Variants in PLA2G4A observed in about 807,000 individuals in gnomAD.
The protein encoded by PLA2G4A is cytosolic phospholipase A2.
PLA2G4A carries 40 observed loss-of-function variants against 81.9 expected under a neutral mutation model. The ratio of observed to expected loss-of-function variants is 0.49; its 90% confidence interval spans 0.38 to 0.64. The LOEUF (loss-of-function observed/expected upper bound fraction) is 0.64, where lower values mean the gene tolerates loss of function less well. Among genes scored for constraint, PLA2G4A ranks in the 30% least tolerant of loss-of-function variants. PLA2G4A has a pLI of 0.00. For missense variants in PLA2G4A, 715 were observed against 905.1 expected (o/e 0.79, Z 2.69); for synonymous variants, 302 against 296.9 (o/e 1.02, Z -0.18).
At chr1:186,950,217 TA>T (rs1174541056) in intron 12 of PLA2G4A, among the ~76,000 whole-genome samples, 1 of 152,208 alleles carries the variant, frequency 6.6e-6, no homozygotes, top group Non-Finnish European at 1.5e-5. Context: ...AAAGATAATT[TA>T]TGTTAGTATC....
At chr1:186,968,555 G>A (rs1055544739) in intron 15 of PLA2G4A, among the ~76,000 whole-genome samples, 1 of 151,116 alleles carries the variant, frequency 6.6e-6, no homozygotes, top group African/African-American at 2.4e-5. Context: ...ATATAATACA[G>A]TAAATATAAA....
At chr1:186,973,297 C>G (rs1657420197) in intron 15 of PLA2G4A, among the ~76,000 whole-genome samples, 1 of 152,158 alleles carries the variant, frequency 6.6e-6, no homozygotes, top group Non-Finnish European at 1.5e-5. Flanking sequence ...CTTGTGGTTG[C>G]ATCTCTCCAA....
At position 186,917,730 on chromosome 1, in the gene PLA2G4A, A is replaced by G. The variant is rs559042395; in HGVS notation, c.558+6341A>G. On this transcript the variant is annotated intron_variant, in intron 7 of 17. Coordinates refer to ENST00000367466, the MANE Select transcript of PLA2G4A (RefSeq NM_024420.3). ...GTGTTGGATAAGCCTCCACCCACCC[A>G]GAGTAAGTACACGTAAGAACCAGCA... is the stretch of plus-strand genomic sequence containing the variant. Among the ~76,000 whole-genome samples the G allele has an allele frequency of 5.3e-5, 8 of 152,330 alleles. No homozygotes were observed. In the South Asian group the frequency reaches 1.7e-3, roughly 32 times the overall value.
At chr1:186,870,383 T>G in intron 2 of PLA2G4A, 52 bp from the exon 3 acceptor site, 2 of 1,028,146 alleles carry the variant, frequency 1.9e-6, no homozygotes, top group Non-Finnish European at 3.1e-6. Context: ...AAGGAAAAAA[T>G]GAGGTTCTAT....
intron 5 of PLA2G4A, among the ~76,000 whole-genome samples, chr1:186,896,945 C>A (rs1654354822): frequency 6.6e-6 from 1 of 152,164 alleles, no homozygotes; most frequent in East Asian, 1.9e-4. Context: ...AGCTATCCAG[C>A]CTCTGCCCTC....
intron 2 of PLA2G4A, among the ~76,000 whole-genome samples, chr1:186,859,866 T>C (rs1286779124): frequency 1.3e-5 from 2 of 151,988 alleles, no homozygotes; most frequent in African/African-American, 4.8e-5. Context: ...CTGTGTCTGC[T>C]TCACAGAGCT....
rs569748837 is a variant in PLA2G4A at position 186,906,049 on chromosome 1, G to A, written c.379-916G>A. Among the ~76,000 whole-genome samples, 6 of 152,212 alleles carry A rather than the reference G, an allele frequency of 3.9e-5. No individual in the cohort carries two copies. The South Asian group carries it at 8.3e-4, about 21-fold the overall frequency. On this transcript the variant is annotated intron_variant, in intron 5 of 17. Transcript: ENST00000367466. ...TGCACATTTCAAGAGGTATATCCTA[G>A]TTCTGTTCTACTTGAAGTTATTGAA...
chr1:186,862,792 A>T (rs1443533324), intron 2 of PLA2G4A, among the ~76,000 whole-genome samples: 1 of 152,144 alleles, frequency 6.6e-6, no homozygotes, highest in Non-Finnish European at 1.5e-5. Context: ...AAACTTTTCA[A>T]ATGTACATGC....
At chr1:186,937,110 C>T (rs1655977889) in intron 8 of PLA2G4A, among the ~76,000 whole-genome samples, 1 of 151,564 alleles carries the variant, frequency 6.6e-6, no homozygotes. Flanking sequence ...ATCCAACTCT[C>T]CTTGTGAATT....
intron 6 of PLA2G4A, among the ~76,000 whole-genome samples, chr1:186,909,824 A>G (rs1277646044): frequency 2.6e-5 from 4 of 152,152 alleles, no homozygotes; most frequent in African/African-American, 4.8e-5. Flanking sequence ...ACTTCCCTTA[A>G]GATAGGTTTC....
In PLA2G4A at chr1:186,897,304, TG is replaced by T. The variant is rs1654366688; in HGVS notation, c.378+3096del. Among the ~76,000 whole-genome samples, 13 of 152,226 alleles carry T rather than the reference TG, an allele frequency of 8.5e-5. No individual in the cohort carries two copies. In the South Asian group the frequency reaches 2.7e-3, roughly 32 times the overall value. On this transcript the variant is annotated intron_variant, in intron 5 of 17. Coordinates refer to ENST00000367466, the MANE Select transcript of PLA2G4A (RefSeq NM_024420.3). ...TGCTTTATTCACTTGGAGTCGAAAC[TG>T]GGAATTGAGAGAATGGACCCTCGTT...
intron 10 of PLA2G4A, among the ~76,000 whole-genome samples, chr1:186,943,031 G>A (rs539827362): frequency 9.2e-5 from 14 of 152,260 alleles, no homozygotes; most frequent in African/African-American, 2.6e-4. Flanking sequence ...ATAGAGACAC[G>A]TCTGTAATTT....
intron 13 of PLA2G4A, among the ~76,000 whole-genome samples, chr1:186,953,141 A>G (rs941311517): frequency 6.6e-6 from 1 of 152,174 alleles, no homozygotes; most frequent in Non-Finnish European, 1.5e-5. Flanking sequence ...GAAACTGCCA[A>G]ATGGTCTTCC....
At chr1:186,838,628 CT>C (rs1248956245) in intron 1 of PLA2G4A, among the ~76,000 whole-genome samples, 2 of 151,910 alleles carry the variant, frequency 1.3e-5, no homozygotes, top group Non-Finnish European at 2.9e-5. Context: ...ATTCTGGAAC[CT>C]TTTTTTTCTT....
intron 5 of PLA2G4A, among the ~76,000 whole-genome samples, chr1:186,906,559 C>T (rs1172383857): frequency 2.0e-5 from 3 of 152,210 alleles, no homozygotes; most frequent in South Asian, 2.1e-4. Flanking sequence ...TTGATTCTAA[C>T]CTCTGGGCCA....
At chr1:186,855,964 T>A (rs1211976369) in intron 2 of PLA2G4A, among the ~76,000 whole-genome samples, 1 of 152,090 alleles carries the variant, frequency 6.6e-6, no homozygotes, top group Non-Finnish European at 1.5e-5. Flanking sequence ...TATGGCAATG[T>A]AAATCCTCCA....
chr1:186,951,468 A>C (rs565419265), intron 13 of PLA2G4A, among the ~76,000 whole-genome samples: 3 of 152,050 alleles, frequency 2.0e-5, no homozygotes, highest in Admixed American at 2.0e-4. Flanking sequence ...AAAAGCCAAC[A>C]AACAAAAACA....
rs1655802691 is a variant in PLA2G4A at position 186,932,813 on chromosome 1, G to A, written c.609G>A (p.Val203=). The change falls in exon 8 of 18, where the codon GTG becomes GTA. Residue 203 remains valine (V), a synonymous_variant. Coordinates refer to ENST00000367466, the MANE Select transcript of PLA2G4A (RefSeq NM_024420.3). ...LGSGGGFRAM[V]GFSGVMKALY... ...CAGGTGGGGGTTTCCGAGCCATGGT[G>A]GGATTCTCTGGTGTGATGAAGGCAT... 1.2e-6 allele frequency: 2 copies of A among 1,613,190 alleles called. No individual in the cohort carries two copies. Among genetic ancestry groups the A allele is most frequent in the East Asian group, 2.2e-5 (1 of 44,866 alleles).
At chr1:186,859,443 A>G (rs1338688678) in intron 2 of PLA2G4A, among the ~76,000 whole-genome samples, 1 of 152,094 alleles carries the variant, frequency 6.6e-6, no homozygotes, top group African/African-American at 2.4e-5. Flanking sequence ...TATTTATAAC[A>G]TTTTCCATCT....
Sources: allele counts gnomAD v4.1 joint callset (sites outside exome capture counted in the v4.1 genomes callset), GRCh38; gene constraint gnomAD v4.1.1; transcripts MANE v1.5; gene names NCBI Gene and HGNC (gene_info 2026-07-23, HGNC 2026-07-21).